Variants in OR8H2 observed in about 807,000 individuals in gnomAD.
The protein encoded by OR8H2 is olfactory receptor 8H2.
For missense variants in OR8H2, 374 were observed against 371.1 expected, an observed-to-expected ratio of 1.01 and a Z score of -0.06; for synonymous variants, 157 against 139.2, an observed-to-expected ratio of 1.13 and a Z score of -0.90.
intron 1 of OR8H2, among the ~76,000 whole-genome samples, chr11:56,104,351 G>C (rs1854018164): frequency 6.6e-6 from 1 of 152,030 alleles, no homozygotes; most frequent in Non-Finnish European, 1.5e-5. Context: ...AACAAAAGGG[G>C]AGTAAATGAT....
In OR8H2 at chr11:56,106,492, A is replaced by C. The variant is rs981685718; in HGVS notation, c.*511A>C. On this transcript the variant is annotated 3_prime_UTR_variant, in exon 2 of 2. Transcript: ENST00000313503. ...GTATAGCCAGTAATACGTTACCTAAAGCTTAAGCCTCCCTTCCCTAAGTGC... is the reference window on the plus strand; with the variant it reads ...GTATAGCCAGTAATACGTTACCTAACGCTTAAGCCTCCCTTCCCTAAGTGC... The C allele has an allele frequency of 1.3e-5, 2 of 152,588 alleles. No individual in the cohort carries two copies. Among genetic ancestry groups the C allele is most frequent in the African/African-American group, 4.8e-5 (2 of 41,454 alleles). 9.5% of individuals were successfully genotyped at this position (152,588 alleles called of 1,614,324 possible).
Position 56,105,765 on chromosome 11 carries a change from C to T in OR8H2, c.723C>T (p.Cys241=), listed in dbSNP as rs758246477. The T allele has an allele frequency of 2.8e-5, 45 of 1,613,452 alleles. No individual in the cohort carries two copies. Among genetic ancestry groups the T allele is most frequent in the East Asian group, 8.9e-5 (4 of 44,874 alleles). ...TSGKQKAFST[C]VSHLLGVTIF... is the part of the protein sequence containing the mutation. ...GAAAGCAGAAAGCTTTCTCTACTTGCGTCTCTCATCTCTTGGGAGTCACCA... is the reference window on the plus strand; with the variant it reads ...GAAAGCAGAAAGCTTTCTCTACTTGTGTCTCTCATCTCTTGGGAGTCACCA... The change falls in exon 2 of 2, where the codon TGC becomes TGT. Residue 241 remains cysteine, a synonymous_variant. Transcript: ENST00000313503.
rs1165034327 is a variant in OR8H2 at position 56,104,932 on chromosome 11, C to T, written c.-111C>T. The T allele has an allele frequency of 1.3e-5, 12 of 946,216 alleles. No individual in the cohort carries two copies. Among genetic ancestry groups the T allele is most frequent in the Admixed American group, 2.3e-5 (1 of 43,782 alleles). 58.6% of individuals were successfully genotyped at this position (946,216 alleles called of 1,614,324 possible). A position where few individuals can be genotyped will look rare whatever the true frequency, so the allele number is the denominator to read the frequency against. ...TGCGATCCCGGCTCACTGCAACCTC[C>T]GCCTCCCGCGTTCAAGCAATTCTCC... On this transcript the variant is annotated 5_prime_UTR_variant, in exon 2 of 2. Transcript: ENST00000313503.
rs1410154149 is a variant in OR8H2 at position 56,103,844 on chromosome 11, A to G, written c.-315A>G. 1 of 152,156 alleles carries G rather than the reference A, an allele frequency of 6.6e-6. No individual in the cohort carries two copies. The highest frequency in any genetic ancestry group is 2.4e-5 in the African/African-American group (1 of 41,454). The allele number at this position is 152,156 out of a possible 1,614,324, so 9.4% of individuals were successfully genotyped here. On this transcript the variant is annotated 5_prime_UTR_variant, in exon 1 of 2. Coordinates refer to ENST00000313503, the MANE Select transcript of OR8H2 (RefSeq NM_001386064.1). ...AATGAATACACCAAAATGTAAAAACAACTTATCTCAAGTAAAATAAATATT... is the reference window on the plus strand; with the variant it reads ...AATGAATACACCAAAATGTAAAAACGACTTATCTCAAGTAAAATAAATATT...
Position 56,105,498 on chromosome 11 carries a change from C to T in OR8H2, c.456C>T (p.Gly152=). The change falls in exon 2 of 2, where the codon GGC becomes GGT. Residue 152 remains glycine, a synonymous_variant. Coordinates refer to ENST00000313503, the MANE Select transcript of OR8H2 (RefSeq NM_001386064.1). Reference sequence around the variant, plus strand: ...TCATCACTGGGCCTTATGTGATTGGCTTTATAGACTCCTTTGTCAACGTGG... The same window carrying T: ...TCATCACTGGGCCTTATGTGATTGGTTTTATAGACTCCTTTGTCAACGTGG... ...LALITGPYVI[G]FIDSFVNVVS... 1.2e-6 allele frequency: 2 copies of T among 1,614,174 alleles called. No homozygotes were observed. Among genetic ancestry groups the T allele is most frequent in the East Asian group, 2.2e-5 (1 of 44,860 alleles).
Position 56,105,696 on chromosome 11 carries a change from TG to T in OR8H2, c.655del (p.Val219CysfsTer8), listed in dbSNP as rs1208777882. On this transcript the variant is annotated frameshift_variant, in exon 2 of 2. Transcript: ENST00000313503. LOFTEE classifies it low-confidence loss of function (END_TRUNC). ...VSLFTISASYVFILFTILKIN... is the reference protein window; with the variant it reads ...VSLFTISASYXFILFTILKIN... ...CCCTTTTCACAATATCTGCATCCTATGTGTTCATTCTCTTTACCATCCTGAA... is the reference window on the plus strand; with the variant it reads ...CCCTTTTCACAATATCTGCATCCTATTGTTCATTCTCTTTACCATCCTGAA... The T allele has an allele frequency of 6.2e-7, 1 of 1,614,046 alleles. No homozygotes were observed. Among genetic ancestry groups the T allele is most frequent in the Non-Finnish European group, 8.5e-7 (1 of 1,179,974 alleles).
In OR8H2 at chr11:56,104,855, TTTG is replaced by T. The variant is rs1854027414; in HGVS notation, c.-171-14_-171-12del. On this transcript the variant is annotated splice_polypyrimidine_tract_variant and intron_variant, in intron 1 of 1. Transcript: ENST00000313503. The stretch of plus-strand genomic sequence containing the variant: ...ACAGAAAGTTTTTTTTTGTTTGTTT[TTTG>T]TTTTTTGAGTCAGAGTCTGGCACAG... 133 of 454,296 alleles carry T rather than the reference TTTG, an allele frequency of 2.9e-4. 1 individual carries two copies. Among genetic ancestry groups the T allele is most frequent in the Non-Finnish European group, 4.1e-4 (107 of 259,350 alleles). The allele number at this position is 454,296 out of a possible 1,614,324, so 28.1% of individuals were successfully genotyped here.
rs1449883670 is a variant in OR8H2, at chr11:56,105,527, C to T, written c.485C>T (p.Ser162Phe). 2 of 1,614,058 alleles carry T rather than the reference C, an allele frequency of 1.2e-6. No individual in the cohort carries two copies. The highest frequency in any genetic ancestry group is 1.7e-6 in the Non-Finnish European group (2 of 1,180,026). ...GFIDSFVNVV[S>F]MSRLHFYDSN... is the part of the protein sequence containing the mutation. Reference sequence around the variant, plus strand: ...ATAGACTCCTTTGTCAACGTGGTTTCCATGAGCAGATTGCATTTCTACGAC... The same window carrying T: ...ATAGACTCCTTTGTCAACGTGGTTTTCATGAGCAGATTGCATTTCTACGAC... The change falls in exon 2 of 2, where the codon TCC becomes TTC. Residue 162 changes from serine (S) to phenylalanine (F), a missense_variant. Transcript: ENST00000313503.
In OR8H2 at chr11:56,106,178, T is replaced by C. The variant is rs7942363; in HGVS notation, c.*197T>C. 0.068 allele frequency: 30,602 copies of C among 446,816 alleles called. 1,352 individuals carry two copies. The highest frequency in any genetic ancestry group is 0.085 in the Non-Finnish European group (21,590 of 254,504). The allele number at this position is 446,816 out of a possible 1,614,324, so 27.7% of individuals were successfully genotyped here. A position where few individuals can be genotyped will look rare whatever the true frequency, so the allele number is the denominator to read the frequency against. ...TAGAAATCCAAATGGTAATTAGAAA[T>C]CATAATATGTGTGTCATGTTTTCAG... is the stretch of plus-strand genomic sequence containing the variant. On this transcript the variant is annotated 3_prime_UTR_variant, in exon 2 of 2. Transcript: ENST00000313503.
rs1384268209 is a variant in OR8H2 at position 56,104,937 on chromosome 11, C to A, written c.-106C>A. On this transcript the variant is annotated 5_prime_UTR_variant, in exon 2 of 2. Coordinates refer to ENST00000313503, the MANE Select transcript of OR8H2 (RefSeq NM_001386064.1). ...TCCCGGCTCACTGCAACCTCCGCCTCCCGCGTTCAAGCAATTCTCCTGCCT... is the reference window on the plus strand; with the variant it reads ...TCCCGGCTCACTGCAACCTCCGCCTACCGCGTTCAAGCAATTCTCCTGCCT... 1 of 992,900 alleles carries A rather than the reference C, an allele frequency of 1.0e-6. No individual in the cohort carries two copies. Among genetic ancestry groups the A allele is most frequent in the Non-Finnish European group, 1.5e-6 (1 of 657,300 alleles). The allele number at this position is 992,900 out of a possible 1,614,324, so 61.5% of individuals were successfully genotyped here. A position where few individuals can be genotyped will look rare whatever the true frequency, so the allele number is the denominator to read the frequency against.
Position 56,105,647 on chromosome 11 carries a change from T to G in OR8H2, c.605T>G (p.Ile202Ser), listed in dbSNP as rs774884257. 19 of 1,614,040 alleles carry G rather than the reference T, an allele frequency of 1.2e-5. No homozygotes were observed. The highest frequency in any genetic ancestry group is 1.4e-5 in the Non-Finnish European group (17 of 1,179,974). Residue 202 changes from isoleucine to serine, a missense_variant, in exon 2 of 2, where the codon ATT becomes AGT. By Grantham distance (142) the Ile-to-Ser change is moderately radical. Coordinates refer to ENST00000313503, the MANE Select transcript of OR8H2 (RefSeq NM_001386064.1). ...TYNTEILIFI[I>S]VGSTLMVSLF... ...AACACCGAAATCCTGATATTCATTATTGTTGGTTCCACCCTGATGGTGTCC... is the reference window on the plus strand; with the variant it reads ...AACACCGAAATCCTGATATTCATTAGTGTTGGTTCCACCCTGATGGTGTCC...
chr11:56,105,374 A>G lies in OR8H2; in HGVS notation c.332A>G (p.Glu111Gly). ...MFFFAFLGTAECYLLSSMAHD... is the reference protein window; with the variant it reads ...MFFFAFLGTAGCYLLSSMAHD... ...TTTTTTGCCTTCTTGGGTACTGCTGAATGTTACCTTCTCTCCTCAATGGCC... is the reference window on the plus strand; with the variant it reads ...TTTTTTGCCTTCTTGGGTACTGCTGGATGTTACCTTCTCTCCTCAATGGCC... The change falls in exon 2 of 2, where the codon GAA becomes GGA. Residue 111 changes from glutamate to glycine, a missense_variant. Physicochemically the swap from Glu to Gly is moderately conservative, Grantham distance 98. Coordinates refer to ENST00000313503, the MANE Select transcript of OR8H2 (RefSeq NM_001386064.1). The G allele has an allele frequency of 6.2e-7, 1 of 1,614,172 alleles. No homozygotes were observed. The highest frequency in any genetic ancestry group is 1.1e-5 in the South Asian group (1 of 91,080).
In OR8H2 at chr11:56,105,571, T is replaced by C. The variant is rs1854042718; in HGVS notation, c.529T>C (p.Phe177Leu). 4 of 1,613,810 alleles carry C rather than the reference T, an allele frequency of 2.5e-6. No homozygotes were observed. The highest frequency in any genetic ancestry group is 3.4e-6 in the Non-Finnish European group (4 of 1,179,756). Residue 177 changes from phenylalanine (F) to leucine (L), a missense_variant, in exon 2 of 2, where the codon TTT (phenylalanine) becomes CTT (leucine). Transcript: ENST00000313503. ...HFYDSNVIHH[F>L]FCDTSPILAL... ...CTACGACTCAAACGTAATTCATCAC[T>C]TTTTCTGTGACACTTCCCCAATTTT... is the stretch of plus-strand genomic sequence containing the variant.
In OR8H2 at chr11:56,105,268, A is replaced by G; in HGVS notation, c.226A>G (p.Thr76Ala). The G allele has an allele frequency of 1.9e-6, 3 of 1,614,158 alleles. No homozygotes were observed. Among genetic ancestry groups the G allele is most frequent in the Non-Finnish European group, 2.5e-6 (3 of 1,180,030 alleles). The part of the protein sequence containing the change: ...HLSFIDLSYS[T>A]VVTPKTLANL... ...GTCATTTATTGACCTCAGTTACTCA[A>G]CTGTCGTCACACCTAAAACCTTAGC... Residue 76 changes from threonine to alanine, a missense_variant, in exon 2 of 2, where the codon ACT becomes GCT. Physicochemically the swap from Thr to Ala is moderately conservative, Grantham distance 58. Transcript: ENST00000313503.
rs1345723189 is a variant in OR8H2, at chr11:56,105,695, A to G, written c.653A>G (p.Tyr218Cys). The G allele has an allele frequency of 2.5e-6, 4 of 1,614,040 alleles. No individual in the cohort carries two copies. Among genetic ancestry groups the G allele is most frequent in the East Asian group, 2.2e-5 (1 of 44,882 alleles). The change falls in exon 2 of 2, where the codon TAT becomes TGT. Residue 218 changes from tyrosine (Y) to cysteine (C), a missense_variant. Transcript: ENST00000313503. The part of the protein sequence containing the change: ...MVSLFTISAS[Y>C]VFILFTILKI... ...TCCCTTTTCACAATATCTGCATCCT[A>G]TGTGTTCATTCTCTTTACCATCCTG...
chr11:56,104,688 C>T (rs1161846780), intron 1 of OR8H2, among the ~76,000 whole-genome samples, 184 bp from the exon 2 acceptor site: 1 of 152,156 alleles, frequency 6.6e-6, no homozygotes, highest in Non-Finnish European at 1.5e-5. Flanking sequence ...ACATGCTACA[C>T]TTTATTGTAA....
intron 1 of OR8H2, among the ~76,000 whole-genome samples, chr11:56,104,662 A>T (rs1854021628): frequency 1.3e-5 from 2 of 152,182 alleles, no homozygotes; most frequent in Non-Finnish European, 2.9e-5. Context: ...GGTTCATTCT[A>T]ATTATGCAAT....
Position 56,105,293 on chromosome 11 carries a change from C to A in OR8H2, c.251C>A (p.Ala84Glu). 1 of 1,614,192 alleles carries A rather than the reference C, an allele frequency of 6.2e-7. No homozygotes were observed. Among genetic ancestry groups the A allele is most frequent in the South Asian group, 1.1e-5 (1 of 91,086 alleles). Residue 84 changes from alanine (A) to glutamate (E), a missense_variant, in exon 2 of 2, where the codon GCG (alanine) becomes GAG (glutamate). Physicochemically the swap from Ala to Glu is moderately radical, Grantham distance 107. Transcript: ENST00000313503. ...YSTVVTPKTL[A>E]NLLTSNYISF... The stretch of plus-strand genomic sequence containing the variant: ...ACTGTCGTCACACCTAAAACCTTAG[C>A]GAACTTACTGACTTCCAACTATATT...
In OR8H2 at chr11:56,105,381, C is replaced by T. The variant is rs565912583; in HGVS notation, c.339C>T (p.Tyr113=). 49 of 1,613,890 alleles carry T rather than the reference C, an allele frequency of 3.0e-5. No individual in the cohort carries two copies. Among genetic ancestry groups the T allele is most frequent in the African/African-American group, 2.1e-4 (16 of 74,908 alleles). ...FFAFLGTAEC[Y]LLSSMAHDRY... ...CCTTCTTGGGTACTGCTGAATGTTACCTTCTCTCCTCAATGGCCCATGATC... is the reference window on the plus strand; with the variant it reads ...CCTTCTTGGGTACTGCTGAATGTTATCTTCTCTCCTCAATGGCCCATGATC... Residue 113 remains tyrosine, a synonymous_variant, in exon 2 of 2, where the codon TAC becomes TAT. Transcript: ENST00000313503.
Sources: gnomAD v4.1 joint callset for allele counts (sites outside exome capture counted in the v4.1 genomes callset) on GRCh38, gnomAD v4.1.1 for gene constraint, MANE v1.5 for transcripts, NCBI Gene and HGNC (gene_info 2026-07-23, HGNC 2026-07-21) for gene names.